SEMA3A: variants seen among roughly 807,000 people sequenced by gnomAD.
SEMA3A encodes the protein semaphorin-3A.
Under a neutral mutation model 97.9 loss-of-function variants are expected in SEMA3A, and 29 were observed. The ratio of observed to expected loss-of-function variants is 0.30; its 90% CI spans 0.22 to 0.40. SEMA3A has a LOEUF of 0.40. Among genes scored for constraint, SEMA3A ranks in the 10% least tolerant of loss-of-function variants. The pLI, the probability that SEMA3A is intolerant of heterozygous loss-of-function variation, is 1.00. For synonymous variants in SEMA3A, 321 were observed against 323.7 expected (o/e 0.99, Z 0.09); for missense variants, 763 against 951.3 (o/e 0.80, Z 2.60).
chr7:84,015,330 GAGAAA>G (rs1357164567), intron 6 of SEMA3A, among the ~76,000 whole-genome samples: 2 of 152,092 alleles, frequency 1.3e-5, no homozygotes, highest in African/African-American at 4.8e-5. Context: ...TCTGTGCAAT[GAGAAA>G]AGAAAAGAAA....
chr7:84,190,790 T>A (rs1798015469), intron 1 of SEMA3A, among the ~76,000 whole-genome samples: 2 of 149,502 alleles, frequency 1.3e-5, no homozygotes, highest in Admixed American at 6.7e-5. Context: ...AACCAACAAT[T>A]TACGAAGAAT....
At chr7:84,476,804 A>G (rs539635527) in intron 1 of SEMA3A, among the ~76,000 whole-genome samples, 1 of 152,146 alleles carries the variant, frequency 6.6e-6, no homozygotes, top group African/African-American at 2.4e-5. Flanking sequence ...GCACAATATC[A>G]ATAATTTGCT....
chr7:84,249,361 T>TATC (rs1308797403), intron 3 of SEMA3A, among the ~76,000 whole-genome samples: 67 of 126,614 alleles, frequency 5.3e-4, no homozygotes, highest in African/African-American at 1.7e-3. Context: ...TCTCTCTCTC[T>TATC]GTCTATCATC....
intron 15 of SEMA3A, among the ~76,000 whole-genome samples, chr7:83,964,860 T>TC (rs1788608202): frequency 6.6e-6 from 1 of 152,164 alleles, no homozygotes; most frequent in Non-Finnish European, 1.5e-5. Flanking sequence ...TGTTTTTTTT[T>TC]CCCCTCTGAG....
intron 1 of SEMA3A, among the ~76,000 whole-genome samples, chr7:84,409,540 A>G (rs1804203577): frequency 6.6e-6 from 1 of 152,072 alleles, no homozygotes; most frequent in Non-Finnish European, 1.5e-5. Context: ...ATTTTACATT[A>G]TTACATTTAA....
intron 1 of SEMA3A, among the ~76,000 whole-genome samples, chr7:84,394,597 A>G (rs893728732): frequency 2.6e-5 from 4 of 152,136 alleles, no homozygotes; most frequent in African/African-American, 9.6e-5. Context: ...TATCAGTATG[A>G]GAGTCATAGT....
At chr7:84,254,489 G>A (rs1244686656) in intron 3 of SEMA3A, among the ~76,000 whole-genome samples, 2 of 152,122 alleles carry the variant, frequency 1.3e-5, no homozygotes, top group East Asian at 3.9e-4. Context: ...GTTTGTACCC[G>A]AGTTGATCTG....
chr7:84,160,223 GTCTATCTATCTA>G (rs61107978), intron 1 of SEMA3A, among the ~76,000 whole-genome samples: 42,018 of 149,318 alleles, frequency 0.28, 6,019 homozygotes, highest in African/African-American at 0.33. Flanking sequence ...CTATCAATCT[GTCTATCTATCTA>G]TCTATCTATC....
intron 2 of SEMA3A, among the ~76,000 whole-genome samples, chr7:84,338,200 G>A (rs1802083519): frequency 6.6e-6 from 1 of 151,162 alleles, no homozygotes; most frequent in African/African-American, 2.4e-5. Context: ...AGTGGAAAAT[G>A]TTCCATATAT....
chr7:84,096,297 G>C (rs1794770166), intron 4 of SEMA3A, among the ~76,000 whole-genome samples: 2 of 152,028 alleles, frequency 1.3e-5, no homozygotes, highest in African/African-American at 4.8e-5. Flanking sequence ...ATATTATAAA[G>C]TGAAGGATAG....
In SEMA3A at chr7:84,313,070, A is replaced by T. The variant is rs111746873; in HGVS notation, c.-168-5778T>A. 3.5e-5 allele frequency among the ~76,000 whole-genome samples: 5 copies of T among 144,648 alleles called. 1 individual carries two copies. Among genetic ancestry groups the T allele is most frequent in the African/African-American group, 1.3e-4 (5 of 39,820 alleles). The allele number at this position is 144,648 out of a possible 152,430, so 94.9% of individuals were successfully genotyped here. A position where few individuals can be genotyped will look rare whatever the true frequency, so the allele number is the denominator to read the frequency against. On this transcript the variant is annotated intron_variant, in intron 2 of 3. Coordinates refer to the SEMA3A transcript ENST00000424555. ...GTGTATATATATGTATAATATATAT[A>T]CTATATAATATAATTGTTTTCATTA... is the stretch of plus-strand genomic sequence containing the variant.
chr7:84,359,936 G>T, intron 2 of SEMA3A, among the ~76,000 whole-genome samples: 1 of 150,812 alleles, frequency 6.6e-6, no homozygotes, highest in African/African-American at 2.5e-5. Flanking sequence ...AGAGGTGTTT[G>T]TAGTATTCTC....
chr7:84,107,201 A>G (rs1795136262), intron 4 of SEMA3A, among the ~76,000 whole-genome samples: 1 of 152,292 alleles, frequency 6.6e-6, no homozygotes, highest in Non-Finnish European at 1.5e-5. Flanking sequence ...TAGTAGAAGT[A>G]TACACTGTCT....
chr7:84,394,654 AC>A (rs1803678293), intron 1 of SEMA3A, among the ~76,000 whole-genome samples: 1 of 152,130 alleles, frequency 6.6e-6, no homozygotes, highest in Admixed American at 6.6e-5. Context: ...ACTAAAACCT[AC>A]AGATTTAATA....
chr7:84,014,564 T>C (rs1383072974), intron 6 of SEMA3A, among the ~76,000 whole-genome samples: 2 of 152,174 alleles, frequency 1.3e-5, no homozygotes, highest in African/African-American at 4.8e-5. Context: ...TGTATTCATT[T>C]TGTTCTGAAG....
intron 1 of SEMA3A, among the ~76,000 whole-genome samples, chr7:84,438,353 C>T (rs892967350): frequency 1.3e-5 from 2 of 152,028 alleles, no homozygotes; most frequent in African/African-American, 4.8e-5. Context: ...GTATTAGCCT[C>T]CATCAATTCA....
At chr7:84,253,367 A>G (rs1266939552) in intron 3 of SEMA3A, among the ~76,000 whole-genome samples, 2 of 151,902 alleles carry the variant, frequency 1.3e-5, no homozygotes, top group Admixed American at 6.6e-5. Context: ...GAGAGTCCAA[A>G]AAAAAAAAAA....
intron 1 of SEMA3A, among the ~76,000 whole-genome samples, chr7:84,454,758 A>G (rs942020183): frequency 6.8e-6 from 1 of 147,826 alleles, no homozygotes; most frequent in Non-Finnish European, 1.5e-5. Flanking sequence ...TTTTCCTGCC[A>G]TCTGGTGGCA....
Position 84,321,347 on chromosome 7 carries a change from C to T in SEMA3A, c.-168-14055G>A, listed in dbSNP as rs146978830. On this transcript the variant is annotated intron_variant, in intron 2 of 3. Transcript: ENST00000424555. ...GAAACAAAATGAACTATAATTATCA[C>T]TAAAATTAAAATGTTAGGATACTAG... is the stretch of plus-strand genomic sequence containing the variant. 3.7e-3 allele frequency among the ~76,000 whole-genome samples: 567 copies of T among 152,238 alleles called. 3 individuals carry two copies. Among genetic ancestry groups the T allele is most frequent in the Admixed American group, 6.9e-3 (105 of 15,292 alleles).
Sources: gnomAD v4.1 joint callset for allele counts (sites outside exome capture counted in the v4.1 genomes callset) on GRCh38, gnomAD v4.1.1 for gene constraint, MANE v1.5 for transcripts, NCBI Gene and HGNC (gene_info 2026-07-23, HGNC 2026-07-21) for gene names.